Variants in ZDHHC21 observed in about 807,000 individuals in gnomAD.
The protein encoded by ZDHHC21 is palmitoyltransferase ZDHHC21.
In ZDHHC21, 15 loss-of-function variants were observed where a neutral mutation model predicts 34.6. The observed-to-expected ratio is 0.43, with a 90% CI of 0.29 to 0.67. The LOEUF is 0.67. ZDHHC21 is among the 30% of genes least tolerant of loss of function. The pLI, the probability that ZDHHC21 is intolerant of heterozygous loss-of-function variation, is 0.14. For missense variants in ZDHHC21, 344 were observed against 327.7 expected, an observed-to-expected ratio of 1.05 and a Z score of -0.38; for synonymous variants, 142 against 101.8, an observed-to-expected ratio of 1.40 and a Z score of -2.38.
chr9:14,619,517 C>G (rs1186753583), intron 9 of ZDHHC21, 122 bp downstream of exon 9: 2 of 841,954 alleles, frequency 2.4e-6, no homozygotes, highest in African/African-American at 1.8e-5. Context: ...GCACAGGCCT[C>G]AGACAATGCA....
intron 2 of ZDHHC21, among the ~76,000 whole-genome samples, chr9:14,688,717 C>G (rs562385254): frequency 1.3e-5 from 2 of 152,192 alleles, no homozygotes; most frequent in Admixed American, 6.5e-5. Flanking sequence ...CAAAAATTAG[C>G]CAGGCATGAT....
intron 2 of ZDHHC21, among the ~76,000 whole-genome samples, chr9:14,683,900 C>G (rs1024637807): frequency 6.6e-6 from 1 of 152,100 alleles, no homozygotes; most frequent in Non-Finnish European, 1.5e-5. Flanking sequence ...GTTCAACATA[C>G]GAAAATCAAT....
chr9:14,659,708 C>T (rs144082961), intron 6 of ZDHHC21, among the ~76,000 whole-genome samples: 2 of 152,284 alleles, frequency 1.3e-5, no homozygotes, highest in African/African-American at 4.8e-5. Flanking sequence ...ACTTAAATCG[C>T]TCTTTTTAAC....
rs956385227 is a variant in ZDHHC21 at position 14,693,236 on chromosome 9, G to T, written c.-232C>A. ...CCGCGCCTGCACACTCACCGTCGCC[G>T]CTGGCTCGCCTCTCGCTGCCGCCGC... On this transcript the variant is annotated 5_prime_UTR_variant, in exon 1 of 10. Transcript: ENST00000380916. 4.9e-6 allele frequency: 2 copies of T among 407,658 alleles called. No homozygotes were observed. Among genetic ancestry groups the T allele is most frequent in the Admixed American group, 5.5e-5 (2 of 36,426 alleles). The allele number at this position is 407,658 out of a possible 1,614,324, so 25.3% of individuals were successfully genotyped here.
At position 14,658,896 on chromosome 9, in the gene ZDHHC21, A is replaced by G. The variant is rs1832855365; in HGVS notation, c.366-9T>C. The G allele has an allele frequency of 6.3e-7, 1 of 1,595,104 alleles. No individual in the cohort carries two copies. The highest frequency in any genetic ancestry group is 1.8e-5 in the Admixed American group (1 of 54,846). The stretch of plus-strand genomic sequence containing the variant: ...CAACACAATTGTTAATCCTAAAGAA[A>G]AAAAATGAAAAAGAAACAATATTTT... On this transcript the variant is annotated splice_polypyrimidine_tract_variant and intron_variant, in intron 6 of 9. Transcript: ENST00000380916.
At chr9:14,655,092 G>C (rs553422337) in intron 7 of ZDHHC21, among the ~76,000 whole-genome samples, 1 of 151,870 alleles carries the variant, frequency 6.6e-6, no homozygotes, top group African/African-American at 2.4e-5. Flanking sequence ...AAAATACAAA[G>C]ACCAAAAGAA....
At chr9:14,627,279 T>C (rs1826437595) in intron 8 of ZDHHC21, among the ~76,000 whole-genome samples, 1 of 152,170 alleles carries the variant, frequency 6.6e-6, no homozygotes, top group African/African-American at 2.4e-5. Flanking sequence ...GTGAGTAAGG[T>C]AGCCAAGTTA....
chr9:14,682,657 GA>G (rs1208696696), intron 2 of ZDHHC21, among the ~76,000 whole-genome samples: 1 of 152,070 alleles, frequency 6.6e-6, no homozygotes, highest in East Asian at 1.9e-4. Flanking sequence ...GGATATCCAG[GA>G]ATTAAACTCA....
intron 8 of ZDHHC21, among the ~76,000 whole-genome samples, chr9:14,623,244 G>C (rs1464240798): frequency 6.6e-6 from 1 of 152,108 alleles, no homozygotes. Context: ...TGGGTGCGGT[G>C]GCTCACGCCA....
At chr9:14,663,299 T>C (rs939040408) in intron 5 of ZDHHC21, among the ~76,000 whole-genome samples, 1 of 152,134 alleles carries the variant, frequency 6.6e-6, no homozygotes, top group Non-Finnish European at 1.5e-5. Context: ...AGTATGGACA[T>C]AGTAAGATTA....
the ZDHHC21 span, among the ~76,000 whole-genome samples, chr9:14,600,969 C>A: frequency 6.6e-6 from 1 of 152,046 alleles, no homozygotes; most frequent in Non-Finnish European, 1.5e-5. Context: ...TGAAACTGAC[C>A]CCTTCCTTAC....
chr9:14,673,619 T>C (rs1163371902), intron 4 of ZDHHC21, among the ~76,000 whole-genome samples: 2 of 151,784 alleles, frequency 1.3e-5, no homozygotes, highest in Non-Finnish European at 2.9e-5. Context: ...TTTTATCATA[T>C]ATATATAAAA....
intron 8 of ZDHHC21, among the ~76,000 whole-genome samples, chr9:14,634,835 T>A (rs952560849): frequency 6.6e-6 from 1 of 152,008 alleles, no homozygotes; most frequent in Non-Finnish European, 1.5e-5. Flanking sequence ...AATTCTCCAA[T>A]AAAATATTAC....
intron 8 of ZDHHC21, among the ~76,000 whole-genome samples, chr9:14,624,055 G>C (rs1248281637): frequency 6.6e-6 from 1 of 151,878 alleles, no homozygotes; most frequent in Admixed American, 6.6e-5. Flanking sequence ...CTGTAGCTGT[G>C]ATTCAATCAA....
the ZDHHC21 span, among the ~76,000 whole-genome samples, chr9:14,602,491 C>CAAAGA: frequency 6.6e-6 from 1 of 151,568 alleles, no homozygotes; most frequent in Admixed American, 6.6e-5. Context: ...GCAGTGATTC[C>CAAAGA]CAAGTATATT....
At position 14,616,825 on chromosome 9, in the gene ZDHHC21, T is replaced by C. The variant is rs1014914224; in HGVS notation, c.*2141A>G. 5 of 151,814 alleles carry C rather than the reference T, an allele frequency of 3.3e-5. No individual in the cohort carries two copies. Among genetic ancestry groups the C allele is most frequent in the Non-Finnish European group, 7.4e-5 (5 of 67,802 alleles). The allele number at this position is 151,814 out of a possible 1,614,324, so 9.4% of individuals were successfully genotyped here. A position where few individuals can be genotyped will look rare whatever the true frequency, so the allele number is the denominator to read the frequency against. On this transcript the variant is annotated 3_prime_UTR_variant, in exon 10 of 10. Transcript: ENST00000380916. ...AGTATATTAGTTTGTAGTCCAATAATTTAGGGGAACTGAGTACAGAGGGAT... is the reference window on the plus strand; with the variant it reads ...AGTATATTAGTTTGTAGTCCAATAACTTAGGGGAACTGAGTACAGAGGGAT...
intron 8 of ZDHHC21, among the ~76,000 whole-genome samples, chr9:14,639,606 T>C (rs748042486): frequency 6.6e-6 from 1 of 152,102 alleles, no homozygotes; most frequent in Non-Finnish European, 1.5e-5. Flanking sequence ...CAGATACTCA[T>C]ATGTACCCCA....
intron 7 of ZDHHC21, among the ~76,000 whole-genome samples, chr9:14,651,885 T>C (rs529667548): frequency 1.3e-3 from 197 of 152,086 alleles, no homozygotes; most frequent in Non-Finnish European, 2.0e-3. Flanking sequence ...AATCCATCTA[T>C]TTTATTCACT....
intron 3 of ZDHHC21, 43 bp downstream of exon 3, chr9:14,679,990 A>T (rs1194079718): frequency 6.6e-6 from 1 of 152,578 alleles, no homozygotes; most frequent in Non-Finnish European, 1.5e-5. Flanking sequence ...TATGGCCCAT[A>T]ATTCCAAAAT....
Sources: allele counts gnomAD v4.1 joint callset (sites outside exome capture counted in the v4.1 genomes callset), GRCh38; gene constraint gnomAD v4.1.1; transcripts MANE v1.5; gene names NCBI Gene and HGNC (gene_info 2026-07-23, HGNC 2026-07-21).